SOBP: variants seen among roughly 807,000 people sequenced by gnomAD.
SOBP encodes the protein sine oculis binding protein homolog.
SOBP carries 4 observed loss-of-function variants against 53.6 expected under a neutral mutation model. The observed-to-expected ratio is 0.07, with a 90% confidence interval of 0.04 to 0.17. The LOEUF is 0.17. Ranked by LOEUF, SOBP falls within the 10% of genes least tolerant of loss-of-function variation. SOBP has a pLI of 1.00. For synonymous variants in SOBP, 584 were observed against 522.6 expected (o/e 1.12, Z -1.60); for missense variants, 1,088 against 1,204.7 (o/e 0.90, Z 1.43).
intron 3 of SOBP, among the ~76,000 whole-genome samples, chr6:107,507,788 T>A (rs1562578759): frequency 6.6e-6 from 1 of 152,156 alleles, no homozygotes; most frequent in Non-Finnish European, 1.5e-5. Context: ...CTTTGAGAGC[T>A]TTTTTCTTTT....
At chr6:107,554,577 A>G (rs1434630536) in intron 4 of SOBP, among the ~76,000 whole-genome samples, 1 of 152,222 alleles carries the variant, frequency 6.6e-6, no homozygotes, top group Non-Finnish European at 1.5e-5. Context: ...TTGCCAAGAC[A>G]TCTCTTCATG....
chr6:107,611,573 T>TA (rs1786600034), intron 5 of SOBP, among the ~76,000 whole-genome samples: 1 of 152,136 alleles, frequency 6.6e-6, no homozygotes, highest in African/African-American at 2.4e-5. Context: ...CTCAGCCCAG[T>TA]AGGAGGACCG....
chr6:107,571,389 G>A (rs115837137), intron 4 of SOBP, among the ~76,000 whole-genome samples: 5,621 of 152,296 alleles, frequency 0.037, 358 homozygotes, highest in African/African-American at 0.13. Context: ...AAGGAGAAAT[G>A]TCCTGCATTT....
rs755968214 is a variant in SOBP at position 107,533,529 on chromosome 6, G to A, written c.492G>A (p.Leu164=). The A allele has an allele frequency of 6.2e-7, 1 of 1,614,156 alleles. No individual in the cohort carries two copies. The highest frequency in any genetic ancestry group is 1.7e-5 in the Admixed American group (1 of 60,024). ...AAGTGGGAATCAAGCGCTATTCCCT[G>A]AGTATGGGAAGTGAGGTGAAAAGCT... ...CQKVGIKRYS[L]SMGSEVKSFC... is the part of the protein sequence containing the mutation. The change falls in exon 4 of 7, where the codon CTG becomes CTA. Residue 164 remains leucine (L), a synonymous_variant. Transcript: ENST00000317357.
At chr6:107,555,029 G>C (rs971783456) in intron 4 of SOBP, among the ~76,000 whole-genome samples, 3 of 151,990 alleles carry the variant, frequency 2.0e-5, no homozygotes, top group African/African-American at 7.3e-5. Flanking sequence ...CTCTGCACAG[G>C]TGCTAGAATG....
At position 107,634,376 on chromosome 6, in the gene SOBP, T is replaced by C; in HGVS notation, c.1532T>C (p.Leu511Pro). The change falls in exon 6 of 7, where the codon CTG (leucine) becomes CCG (proline). Residue 511 changes from leucine (L) to proline (P), a missense_variant. By Grantham distance (98) the Leu-to-Pro change is moderately conservative. This residue lies in a region of SOBP where 665 missense variants were observed against 629.7 expected (regional missense o/e 1.06). Coordinates refer to ENST00000317357, the MANE Select transcript of SOBP (RefSeq NM_018013.4). This position sits in a 1 kb window ranked among gnomAD's most constrained non-coding sequence, Gnocchi z 4.5. ...MPVPQMMNFG[L>P]PSLAPLVPPP... ...GTGCCCCAGATGATGAATTTCGGGC[T>C]GCCGTCGCTTGCCCCGCTGGTGCCG... 6.3e-7 allele frequency: 1 copy of C among 1,595,352 alleles called. No homozygotes were observed. The highest frequency in any genetic ancestry group is 8.5e-7 in the Non-Finnish European group (1 of 1,177,304).
chr6:107,659,480 AAAAAG>A lies in SOBP; in HGVS notation c.*1285_*1289del, dbSNP rs1177230305. ...TTCTGATGAGTACAGAAAAAAAAAG[AAAAAG>A]AAAAGAAGAGAAAAAATTAAGAAAA... On this transcript the variant is annotated 3_prime_UTR_variant, in exon 7 of 7. Transcript: ENST00000317357. The A allele has an allele frequency of 6.6e-6, 1 of 152,420 alleles. No homozygotes were observed. The highest frequency in any genetic ancestry group is 2.4e-5 in the African/African-American group (1 of 41,400). 9.4% of individuals were successfully genotyped at this position (152,420 alleles called of 1,614,324 possible). A position where few individuals can be genotyped will look rare whatever the true frequency, so the allele number is the denominator to read the frequency against.
chr6:107,600,561 A>T (rs1786141233), intron 5 of SOBP, among the ~76,000 whole-genome samples: 3 of 152,126 alleles, frequency 2.0e-5, no homozygotes. Flanking sequence ...ACCAAAATTC[A>T]TGGGTTTGCA....
chr6:107,539,017 G>T (rs1008191246), intron 4 of SOBP, among the ~76,000 whole-genome samples: 1 of 152,158 alleles, frequency 6.6e-6, no homozygotes, highest in Non-Finnish European at 1.5e-5. Context: ...TGCAGACAGG[G>T]TGGGACATAG....
chr6:107,653,307 G>A (rs961592754), intron 6 of SOBP, among the ~76,000 whole-genome samples: 27 of 152,204 alleles, frequency 1.8e-4, no homozygotes, highest in African/African-American at 5.5e-4. Context: ...TTCATTGACC[G>A]CAGGGCTCTA....
chr6:107,518,303 A>G (rs1158931232), intron 3 of SOBP, among the ~76,000 whole-genome samples: 1 of 152,224 alleles, frequency 6.6e-6, no homozygotes, highest in African/African-American at 2.4e-5. Context: ...ACCGGTAAAC[A>G]CACATGAGAA....
Position 107,569,903 on chromosome 6 carries a change from C to T in SOBP, c.574-17177C>T, listed in dbSNP as rs192118691. Among the ~76,000 whole-genome samples, 422 of 152,354 alleles carry T rather than the reference C, an allele frequency of 2.8e-3. 5 individuals carry two copies. Among genetic ancestry groups the T allele is most frequent in the African/African-American group, 9.8e-3 (408 of 41,576 alleles). ...CCTGCATTCTCACCCCCCTTTGCAG[C>T]CCATCTCTCACATTGTTTTATGCTT... is the stretch of plus-strand genomic sequence containing the variant. On this transcript the variant is annotated intron_variant, in intron 4 of 6. Coordinates refer to ENST00000317357, the MANE Select transcript of SOBP (RefSeq NM_018013.4).
At chr6:107,491,864 A>T (rs1010006195) in intron 1 of SOBP, among the ~76,000 whole-genome samples, 11 of 152,160 alleles carry the variant, frequency 7.2e-5, no homozygotes, top group African/African-American at 2.4e-4. Context: ...AGTCAAATTT[A>T]TTGCGCTTTG....
In SOBP at chr6:107,633,768, G is replaced by A; in HGVS notation, c.924G>A (p.Arg308=). 1 of 1,614,226 alleles carries A rather than the reference G, an allele frequency of 6.2e-7. No individual in the cohort carries two copies. Among genetic ancestry groups the A allele is most frequent in the Non-Finnish European group, 8.5e-7 (1 of 1,180,048 alleles). The stretch of plus-strand genomic sequence containing the variant: ...GGAATATCCCGCTAACAGATGCTCG[G>A]AGGAAGGCCCCCTCCCCGGTGGCTA... ...DSWNIPLTDA[R]RKAPSPVATA... The change falls in exon 6 of 7, where the codon CGG becomes CGA. Residue 308 remains arginine (R), a synonymous_variant. Transcript: ENST00000317357.
At chr6:107,554,343 G>A (rs1033239017) in intron 4 of SOBP, among the ~76,000 whole-genome samples, 2 of 152,176 alleles carry the variant, frequency 1.3e-5, no homozygotes, top group Non-Finnish European at 2.9e-5. Flanking sequence ...GTTAAGGAGA[G>A]CTTCTTCCAT....
chr6:107,583,807 T>C (rs1785482293), intron 4 of SOBP, among the ~76,000 whole-genome samples: 1 of 152,232 alleles, frequency 6.6e-6, no homozygotes, highest in Non-Finnish European at 1.5e-5. Flanking sequence ...GAGTGTTCCT[T>C]ATCCAAAATG....
chr6:107,549,376 T>C (rs1398408020), intron 4 of SOBP, among the ~76,000 whole-genome samples: 1 of 152,092 alleles, frequency 6.6e-6, no homozygotes, highest in Non-Finnish European at 1.5e-5. Flanking sequence ...TCATGGAAGT[T>C]ATTTGTATTA....
chr6:107,613,313 A>G (rs1786666979), intron 5 of SOBP, among the ~76,000 whole-genome samples: 1 of 152,254 alleles, frequency 6.6e-6, no homozygotes, highest in South Asian at 2.1e-4. Context: ...TAGACCCAGG[A>G]GAAAAATGCC....
Position 107,629,754 on chromosome 6 carries a change from G to T in SOBP, c.670-3760G>T, listed in dbSNP as rs569042917. Among the ~76,000 whole-genome samples, 8 of 152,318 alleles carry T rather than the reference G, an allele frequency of 5.3e-5. No individual in the cohort carries two copies. The South Asian group carries it at 1.2e-3, about 24-fold the overall frequency. On this transcript the variant is annotated intron_variant, in intron 5 of 6. Coordinates refer to ENST00000317357, the MANE Select transcript of SOBP (RefSeq NM_018013.4). ...AGGAGTGAATCCATCAGGCCACTGA[G>T]CTTATAAGTACTACTCTGGCAGTCA...
Sources: gnomAD v4.1 joint callset for allele counts (sites outside exome capture counted in the v4.1 genomes callset) on GRCh38, gnomAD v4.1.1 for gene constraint, gnomAD v4.1.1 regional missense constraint, Gnocchi (gnomAD v3.1) non-coding constraint, MANE v1.5 for transcripts, NCBI Gene and HGNC (gene_info 2026-07-23, HGNC 2026-07-21) for gene names.